Variants in CCDC40 observed in about 807,000 individuals in gnomAD.
CCDC40 encodes coiled-coil domain-containing protein 40.
Under a neutral mutation model 124.5 loss-of-function variants are expected in CCDC40, and 104 were observed. That is an observed-to-expected ratio of 0.84 (90% CI 0.71 to 0.98). The LOEUF is 0.98. Among genes scored for constraint, CCDC40 ranks in the 50% least tolerant of loss-of-function variants. CCDC40 has a pLI of 0.00. For synonymous variants in CCDC40, 580 were observed against 602.9 expected (o/e 0.96, Z 0.56); for missense variants, 1,463 against 1,503.9 (o/e 0.97, Z 0.45).
intron 4 of CCDC40, 131 bp from the exon 5 acceptor site, chr17:80,048,452 A>G: frequency 1.3e-6 from 1 of 756,416 alleles, no homozygotes. Flanking sequence ...GACCGTTGGG[A>G]TGCTTTTGCT....
At chr17:80,072,120 C>T (rs1357098272) in intron 10 of CCDC40, among the ~76,000 whole-genome samples, 3 of 152,056 alleles carry the variant, frequency 2.0e-5, no homozygotes, top group African/African-American at 2.4e-5. Flanking sequence ...GAATTACAGG[C>T]GTGAGCCACG....
chr17:80,061,115 G>A (rs2037884072), intron 9 of CCDC40, among the ~76,000 whole-genome samples: 1 of 152,326 alleles, frequency 6.6e-6, no homozygotes, highest in South Asian at 2.1e-4. Flanking sequence ...GGAGGCCGAG[G>A]CCGCTGGATC....
Position 80,088,017 on chromosome 17 carries a change from G to A in CCDC40, c.2626G>A (p.Glu876Lys), listed in dbSNP as rs1294863773. The A allele has an allele frequency of 4.3e-6, 7 of 1,612,112 alleles. No individual in the cohort carries two copies. In the South Asian group the frequency reaches 7.7e-5, roughly 18 times the overall value. Reference sequence around the variant, plus strand: ...CGCCCCCTCCCCCATGCAGGCCTCTGAGAGGGAGACCATCAAGATGCAGGA... The same window carrying A: ...CGCCCCCTCCCCCATGCAGGCCTCTAAGAGGGAGACCATCAAGATGCAGGA... ...NEFVRSLKAS[E>K]RETIKMQDKL... The change falls in exon 16 of 20, where the codon GAG becomes AAG. Residue 876 changes from glutamate to lysine, a missense_variant. Physicochemically the swap from Glu to Lys is moderately conservative, Grantham distance 56. Coordinates refer to ENST00000397545, the MANE Select transcript of CCDC40 (RefSeq NM_017950.4).
rs563936637 is a variant in CCDC40 at position 80,058,742 on chromosome 17, G to A, written c.1317+91G>A. 2.4e-5 allele frequency: 39 copies of A among 1,603,088 alleles called. No homozygotes were observed. Among genetic ancestry groups the A allele is most frequent in the South Asian group, 9.9e-5 (9 of 90,670 alleles). ...CTTTGCCTCCTGCGTGAAGGCTTCC[G>A]GCCGGAGGGGTGGCGGCCGGCCTGG... is the stretch of plus-strand genomic sequence containing the variant. On this transcript the variant is annotated intron_variant, in intron 8 of 19. Coordinates refer to ENST00000397545, the MANE Select transcript of CCDC40 (RefSeq NM_017950.4). The surrounding 1 kb of genome is among the most constrained non-coding windows in gnomAD (Gnocchi z 4.2).
At chr17:80,097,126 G>A (rs767019508) in intron 18 of CCDC40, 119 bp from the exon 19 acceptor site, 18 of 1,121,470 alleles carry the variant, frequency 1.6e-5, no homozygotes, top group Non-Finnish European at 2.3e-5. Flanking sequence ...ATTCCTCTTT[G>A]GGAGCCTCCC....
intron 18 of CCDC40, among the ~76,000 whole-genome samples, chr17:80,096,322 A>G (rs1464016225): frequency 6.6e-6 from 1 of 152,212 alleles, no homozygotes; most frequent in African/African-American, 2.4e-5. Flanking sequence ...AGTCACCCAG[A>G]GGGTTCCCTG....
chr17:80,037,683 T>TAAAAAAAAA (rs11312279), intron 1 of CCDC40, among the ~76,000 whole-genome samples: 6 of 44,392 alleles, frequency 1.4e-4, no homozygotes, highest in Non-Finnish European at 2.6e-4. Flanking sequence ...TTTAATTTTT[T>TAAAAAAAAA]AAAAAAGATA....
intron 1 of CCDC40, 81 bp downstream of exon 1, chr17:80,036,772 G>T: frequency 2.2e-6 from 3 of 1,342,350 alleles, no homozygotes; most frequent in South Asian, 2.9e-5. Flanking sequence ...CCCCCGCGTC[G>T]GCTCCTGCCT....
In CCDC40 at chr17:80,086,181, T is replaced by C; in HGVS notation, c.2414T>C (p.Leu805Pro). The C allele has an allele frequency of 6.2e-7, 1 of 1,613,056 alleles. No individual in the cohort carries two copies. The highest frequency in any genetic ancestry group is 1.3e-5 in the African/African-American group (1 of 74,948). The change falls in exon 14 of 20, where the codon CTC becomes CCC. Residue 805 changes from leucine (L) to proline (P), a missense_variant. Leu to Pro is a moderately conservative substitution (Grantham distance 98). Transcript: ENST00000397545. The surrounding 1 kb of genome is among the most constrained non-coding windows in gnomAD (Gnocchi z 5.5). Reference sequence around the variant, plus strand: ...TCCCTGGACGCATCCAAGAAGGAGCTCCACATCATGGAGCAGAAGAAACTA... The same window carrying C: ...TCCCTGGACGCATCCAAGAAGGAGCCCCACATCATGGAGCAGAAGAAACTA... ...LASLDASKKE[L>P]HIMEQKKLRV...
chr17:80,038,339 TG>T (rs2037182493), intron 2 of CCDC40, among the ~76,000 whole-genome samples, 153 bp downstream of exon 2: 1 of 152,044 alleles, frequency 6.6e-6, no homozygotes, highest in Non-Finnish European at 1.5e-5. Flanking sequence ...GAGACAAGCC[TG>T]GCCAACATGG....
At chr17:80,049,702 C>G (rs1359292381) in intron 5 of CCDC40, among the ~76,000 whole-genome samples, 1 of 152,020 alleles carries the variant, frequency 6.6e-6, no homozygotes, top group Non-Finnish European at 1.5e-5. Flanking sequence ...GCACTCAGTT[C>G]TCTGCAAGTG....
At chr17:80,084,609 T>C in intron 12 of CCDC40, 134 bp from the exon 13 acceptor site, 1 of 1,057,584 alleles carries the variant, frequency 9.5e-7, no homozygotes, top group Non-Finnish European at 1.4e-6. Context: ...AAATCCAGCC[T>C]CCTGCACTCG....
At chr17:80,057,440 A>G (rs1271307970) in intron 7 of CCDC40, among the ~76,000 whole-genome samples, 1 of 152,116 alleles carries the variant, frequency 6.6e-6, no homozygotes, top group Non-Finnish European at 1.5e-5. Flanking sequence ...TGGCTCCAGG[A>G]TGATATGCGT....
At chr17:80,039,600 C>T (rs1471894954) in intron 2 of CCDC40, among the ~76,000 whole-genome samples, 1 of 151,734 alleles carries the variant, frequency 6.6e-6, no homozygotes, top group Non-Finnish European at 1.5e-5. Flanking sequence ...TTAGTAGAGA[C>T]GGGGTTTCAC....
chr17:80,058,880 C>G lies in CCDC40; in HGVS notation c.1340C>G (p.Thr447Ser), dbSNP rs2037822260. Reference sequence around the variant, plus strand: ...CAGGACCTGTATGTGGACCAGCTCACCACTCGAGCCCAGCAACTGGAAGAA... The same window carrying G: ...CAGGACCTGTATGTGGACCAGCTCAGCACTCGAGCCCAGCAACTGGAAGAA... Reference protein sequence around the residue: ...KKQDLYVDQLTTRAQQLEEDI... With the variant: ...KKQDLYVDQLSTRAQQLEEDI... Residue 447 changes from threonine to serine, a missense_variant, in exon 9 of 20, where the codon ACC (threonine) becomes AGC (serine). Transcript: ENST00000397545. This position sits in a 1 kb window ranked among gnomAD's most constrained non-coding sequence, Gnocchi z 4.2. 8 of 1,614,156 alleles carry G rather than the reference C, an allele frequency of 5.0e-6. No homozygotes were observed. Among genetic ancestry groups the G allele is most frequent in the South Asian group, 1.1e-5 (1 of 91,088 alleles).
intron 7 of CCDC40, among the ~76,000 whole-genome samples, chr17:80,053,653 C>T (rs936995590): frequency 6.6e-5 from 10 of 152,106 alleles, no homozygotes; most frequent in South Asian, 4.1e-4. Context: ...AGTGCAGTGG[C>T]GTGATCTCAG....
rs754748154 is a variant in CCDC40 at position 80,050,000 on chromosome 17, G to A, written c.939+11G>A. 1.6e-5 allele frequency: 26 copies of A among 1,613,722 alleles called. No homozygotes were observed. The Admixed American group carries it at 1.8e-4, about 11-fold the overall frequency. The stretch of plus-strand genomic sequence containing the variant: ...GACCTCCAAGAGCTGGTGTGTATCC[G>A]TCCAGTCTCCCACCCTGGTCGGATG... On this transcript the variant is annotated intron_variant, in intron 6 of 19. Coordinates refer to ENST00000397545, the MANE Select transcript of CCDC40 (RefSeq NM_017950.4).
At chr17:80,084,473 T>A (rs2038532102) in intron 12 of CCDC40, among the ~76,000 whole-genome samples, 1 of 152,146 alleles carries the variant, frequency 6.6e-6, no homozygotes, top group African/African-American at 2.4e-5. Flanking sequence ...CAAGATGAGA[T>A]GTGAGTGGGG....
At chr17:80,084,395 G>C (rs1044868393) in intron 12 of CCDC40, among the ~76,000 whole-genome samples, 38 of 152,266 alleles carry the variant, frequency 2.5e-4, no homozygotes, top group Non-Finnish European at 7.3e-5. Context: ...TGGGGGTAGC[G>C]GCCCCCATGG....
Sources: gnomAD v4.1 joint callset for allele counts (sites outside exome capture counted in the v4.1 genomes callset) on GRCh38, gnomAD v4.1.1 for gene constraint, Gnocchi (gnomAD v3.1) non-coding constraint, MANE v1.5 for transcripts, NCBI Gene and HGNC (gene_info 2026-07-23, HGNC 2026-07-21) for gene names.